PIGN: variants seen among roughly 807,000 people sequenced by gnomAD.
PIGN encodes the protein GPI ethanolamine phosphate transferase 1.
In PIGN, 117 loss-of-function variants were observed where a neutral mutation model predicts 125.4. The observed-to-expected ratio is 0.93, with a 90% CI of 0.80 to 1.09. The LOEUF (loss-of-function observed/expected upper bound fraction) is 1.09. Among genes scored for constraint, PIGN ranks in the 50% least tolerant of loss-of-function variants. The pLI is 0.00. For missense variants in PIGN, 1,075 were observed against 1,094.9 expected, an observed-to-expected ratio of 0.98 and a Z score of 0.26; for synonymous variants, 392 against 377.8, an observed-to-expected ratio of 1.04 and a Z score of -0.44.
At chr18:62,131,842 C>A (rs1959087148) in intron 14 of PIGN, among the ~76,000 whole-genome samples, 1 of 151,928 alleles carries the variant, frequency 6.6e-6, no homozygotes, top group African/African-American at 2.4e-5. Flanking sequence ...AAAGACTGAA[C>A]AAGATAATGG....
At chr18:62,138,559 A>G (rs2036019141) in intron 13 of PIGN, among the ~76,000 whole-genome samples, 1 of 152,222 alleles carries the variant, frequency 6.6e-6, no homozygotes, top group Non-Finnish European at 1.5e-5. Context: ...CTCTGAAAAT[A>G]AAACAAGCCA....
At chr18:62,072,250 GTTA>G (rs1423135921) in intron 30 of PIGN, 1 of 152,538 alleles carries the variant, frequency 6.6e-6, no homozygotes, top group Non-Finnish European at 1.5e-5. Context: ...TAAGCTAAGT[GTTA>G]TTATAAAGTC....
intron 1 of PIGN, among the ~76,000 whole-genome samples, chr18:62,178,635 G>C (rs2037611038): frequency 6.6e-6 from 1 of 151,060 alleles, no homozygotes; most frequent in Admixed American, 6.6e-5. Flanking sequence ...AAGAAAAACT[G>C]TAAGATAGTA....
At chr18:62,154,177 T>C (rs1568236139) in intron 7 of PIGN, 3 of 264,308 alleles carry the variant, frequency 1.1e-5, no homozygotes, top group Admixed American at 1.1e-4. Flanking sequence ...ATTATAAATG[T>C]ATTACATTTG....
chr18:62,033,957 A>G (rs937202215), intron 23 of PIGN, among the ~76,000 whole-genome samples: 6 of 152,134 alleles, frequency 3.9e-5, no homozygotes, highest in African/African-American at 1.4e-4. Flanking sequence ...ATCAGTTGAG[A>G]CTCAGAGGGG....
At chr18:62,074,845 T>G (rs759652407) in intron 28 of PIGN, 24 bp from the exon 29 acceptor site, 2 of 1,526,132 alleles carry the variant, frequency 1.3e-6, no homozygotes, top group East Asian at 2.3e-5. Flanking sequence ...GAAGGAAAAA[T>G]TACATCTAAT....
At chr18:62,130,083 C>T (rs2035676970) in intron 14 of PIGN, among the ~76,000 whole-genome samples, 3 of 152,062 alleles carry the variant, frequency 2.0e-5, no homozygotes. Flanking sequence ...TGCTTGCAGC[C>T]CCCAGAAGCT....
chr18:62,154,267 T>C (rs1284714065), intron 7 of PIGN: 4 of 453,730 alleles, frequency 8.8e-6, no homozygotes, highest in South Asian at 5.2e-5. Context: ...CAATGAAAGA[T>C]CAAAATTTAC....
chr18:62,051,148 T>G (rs1314064201), intron 30 of PIGN, among the ~76,000 whole-genome samples: 4 of 150,472 alleles, frequency 2.7e-5, no homozygotes, highest in African/African-American at 9.7e-5. Flanking sequence ...TCAAGGATAT[T>G]GGTCTAAAAT....
At chr18:62,122,380 C>G (rs1235221366) in intron 14 of PIGN, among the ~76,000 whole-genome samples, 2 of 152,016 alleles carry the variant, frequency 1.3e-5, no homozygotes, top group Non-Finnish European at 2.9e-5. Flanking sequence ...TACTTAACTT[C>G]CTTATATTAT....
chr18:62,041,652 T>G lies in PIGN; in HGVS notation c.*4204A>C, dbSNP rs930713163. On this transcript the variant is annotated 3_prime_UTR_variant, in exon 31 of 31. Coordinates refer to ENST00000640252, the MANE Select transcript of PIGN (RefSeq NM_176787.5). ...TACCACCCCGCCGGGTGTGTGTGTG[T>G]GTGTGTGTGTGTGTGTGTGTGTGTG... The G allele has an allele frequency of 1.8e-4, 24 of 129,842 alleles. No individual in the cohort carries two copies. The highest frequency in any genetic ancestry group is 4.1e-3 in the Middle Eastern group (1 of 244). 8.0% of individuals were successfully genotyped at this position (129,842 alleles called of 1,614,324 possible). A position where few individuals can be genotyped will look rare whatever the true frequency, so the allele number is the denominator to read the frequency against.
intron 23 of PIGN, among the ~76,000 whole-genome samples, chr18:62,020,768 G>A (rs2144859553): frequency 6.6e-6 from 1 of 150,398 alleles, no homozygotes; most frequent in South Asian, 2.1e-4. Flanking sequence ...GGCTAACATG[G>A]TGAAACCCCG....
chr18:62,122,154 TTAATA>T (rs2035333607), intron 14 of PIGN, among the ~76,000 whole-genome samples: 1 of 152,120 alleles, frequency 6.6e-6, no homozygotes, highest in Admixed American at 6.6e-5. Flanking sequence ...ATGGTTAACA[TTAATA>T]TATTATACAT....
intron 1 of PIGN, among the ~76,000 whole-genome samples, chr18:62,180,358 C>A (rs2037672917): frequency 6.6e-6 from 1 of 151,978 alleles, no homozygotes; most frequent in Admixed American, 6.6e-5. Flanking sequence ...TTCTATGGAC[C>A]AATAAGATTG....
intron 4 of PIGN, among the ~76,000 whole-genome samples, chr18:62,158,394 T>A (rs770754066): frequency 5.6e-4 from 86 of 152,330 alleles, no homozygotes; most frequent in Non-Finnish European, 1.2e-4. Context: ...TTCAAATTTG[T>A]TTAGTTGAAA....
intron 14 of PIGN, among the ~76,000 whole-genome samples, chr18:62,120,177 G>C (rs1484052408): frequency 1.3e-5 from 2 of 151,822 alleles, no homozygotes; most frequent in African/African-American, 2.4e-5. Flanking sequence ...CTGAAAACCA[G>C]TCAAAGAGAA....
At chr18:62,085,167 A>G (rs1599481548) in intron 26 of PIGN, 42 bp downstream of exon 26, 3 of 1,129,752 alleles carry the variant, frequency 2.7e-6, no homozygotes, top group Middle Eastern at 2.4e-4. Context: ...AGGTTGCATT[A>G]TTTTTTAGTT....
intron 1 of PIGN, among the ~76,000 whole-genome samples, chr18:62,174,091 G>A (rs1290830399): frequency 6.6e-6 from 1 of 151,932 alleles, no homozygotes; most frequent in Non-Finnish European, 1.5e-5. Flanking sequence ...GCGGGCACCT[G>A]TAATCCCAGC....
chr18:62,031,768 G>A (rs1343834071), intron 23 of PIGN, among the ~76,000 whole-genome samples: 1 of 152,124 alleles, frequency 6.6e-6, no homozygotes, highest in African/African-American at 2.4e-5. Context: ...TGAGTGATAT[G>A]TGTCAAAGTA....
Sources: gnomAD v4.1 joint callset for allele counts (sites outside exome capture counted in the v4.1 genomes callset) on GRCh38, gnomAD v4.1.1 for gene constraint, MANE v1.5 for transcripts, NCBI Gene and HGNC (gene_info 2026-07-23, HGNC 2026-07-21) for gene names.